Variants in GALNT9 observed in about 807,000 individuals in gnomAD.
GALNT9 encodes the protein GalNAc transferase 9.
In GALNT9, 47 loss-of-function variants were observed where a neutral mutation model predicts 63.1. The observed-to-expected ratio is 0.75, with a 90% CI of 0.59 to 0.95. The LOEUF (loss-of-function observed/expected upper bound fraction) is 0.95. Among genes scored for constraint, GALNT9 ranks in the 40% least tolerant of loss-of-function variants. The pLI is 0.00. For missense variants in GALNT9, 829 were observed against 874.8 expected (o/e 0.95, Z 0.66); for synonymous variants, 396 against 365.7 (o/e 1.08, Z -0.94).
chr12:132,204,241 G>A (rs909958922), intron 6 of GALNT9, among the ~76,000 whole-genome samples: 41 of 152,134 alleles, frequency 2.7e-4, no homozygotes, highest in African/African-American at 6.5e-4. Flanking sequence ...TTGTCACTGC[G>A]TATCCTTTTA....
intron 1 of GALNT9, among the ~76,000 whole-genome samples, chr12:132,307,484 C>T (rs1368009213): frequency 3.3e-5 from 5 of 152,026 alleles, no homozygotes; most frequent in Non-Finnish European, 7.4e-5. Context: ...GACCCTGAGA[C>T]GGAGAGTGCC....
At chr12:132,208,055 T>C (rs1031734053) in intron 6 of GALNT9, among the ~76,000 whole-genome samples, 1 of 152,210 alleles carries the variant, frequency 6.6e-6, no homozygotes, top group African/African-American at 2.4e-5. Context: ...ATCTGCCTTG[T>C]GCCGCGCTCC....
intron 6 of GALNT9, among the ~76,000 whole-genome samples, chr12:132,217,084 C>A (rs1337969998): frequency 6.6e-6 from 1 of 152,178 alleles, no homozygotes; most frequent in Non-Finnish European, 1.5e-5. Flanking sequence ...GCCAATATTC[C>A]TTGGATACAG....
chr12:132,228,093 G>T (rs1371544252), intron 6 of GALNT9, among the ~76,000 whole-genome samples: 1 of 152,236 alleles, frequency 6.6e-6, no homozygotes, highest in South Asian at 2.1e-4. Flanking sequence ...GCCCCAGCAG[G>T]GGTGGCGGGG....
At chr12:132,318,306 T>TG (rs1292004168) in intron 1 of GALNT9, among the ~76,000 whole-genome samples, 5 of 152,340 alleles carry the variant, frequency 3.3e-5, no homozygotes, top group Admixed American at 3.3e-4. Context: ...GGATGATGCA[T>TG]GGGGCTGGGC....
In GALNT9 at chr12:132,257,784, C is replaced by T. The variant is rs782432925; in HGVS notation, c.864G>A (p.Ala288=). Residue 288 remains alanine, a synonymous_variant, in exon 5 of 11, where the codon GCG becomes GCA. Coordinates refer to ENST00000328957, the MANE Select transcript of GALNT9 (RefSeq NM_001122636.2). ...CCCAGTTGTAGCCATGGGCGGCGTT[C>T]GCATACTGCTGCACCTCAAACGTGC... is the stretch of plus-strand genomic sequence containing the variant. ...KYSTFEVQQY[A]NAAHGYNWGL... is the part of the protein sequence containing the mutation. 3.0e-5 allele frequency: 46 copies of T among 1,550,338 alleles called. No homozygotes were observed. Among genetic ancestry groups the T allele is most frequent in the Middle Eastern group, 1.7e-4 (1 of 6,014 alleles).
chr12:132,262,724 G>A (rs1879448756), intron 2 of GALNT9, 99 bp from the exon 3 acceptor site: 3 of 1,451,196 alleles, frequency 2.1e-6, no homozygotes, highest in Admixed American at 5.3e-5. Flanking sequence ...ACGGTTTGGG[G>A]TGCGGTCAGG....
chr12:132,254,259 T>C (rs1303610603), intron 5 of GALNT9, among the ~76,000 whole-genome samples: 1 of 152,192 alleles, frequency 6.6e-6, no homozygotes, highest in Admixed American at 6.5e-5. Context: ...TCCACCCGCC[T>C]CGGCCTCCCA....
chr12:132,281,205 G>A (rs1288915044), intron 2 of GALNT9, among the ~76,000 whole-genome samples: 2 of 152,244 alleles, frequency 1.3e-5, no homozygotes, highest in African/African-American at 4.8e-5. Context: ...AGCGTCCACC[G>A]GGGTCTGCGT....
At chr12:132,305,150 C>T (rs372995855) in intron 1 of GALNT9, among the ~76,000 whole-genome samples, 4 of 57,038 alleles carry the variant, frequency 7.0e-5, no homozygotes, top group South Asian at 8.0e-4. Flanking sequence ...CCCGGGCACA[C>T]CCTCGCCTGG....
chr12:132,328,221 C>G (rs1367926916), intron 1 of GALNT9, among the ~76,000 whole-genome samples: 1 of 152,172 alleles, frequency 6.6e-6, no homozygotes, highest in East Asian at 1.9e-4. Flanking sequence ...GGTGCTGCTC[C>G]TCGGGCTGAC....
At chr12:132,227,032 A>C (rs1359014195) in intron 6 of GALNT9, among the ~76,000 whole-genome samples, 2 of 149,616 alleles carry the variant, frequency 1.3e-5, no homozygotes, top group East Asian at 4.0e-4. Flanking sequence ...CCATACACAC[A>C]CACACCCACA....
chr12:132,199,390 G>T (rs566946100), intron 8 of GALNT9, 121 bp from the exon 9 acceptor site: 14 of 697,692 alleles, frequency 2.0e-5, no homozygotes, highest in Non-Finnish European at 2.9e-5. Context: ...AGGAGGGGGC[G>T]TGTGGGATGC....
At chr12:132,199,521 G>A (rs1362586460) in intron 8 of GALNT9, among the ~76,000 whole-genome samples, 1 of 152,130 alleles carries the variant, frequency 6.6e-6, no homozygotes, top group Non-Finnish European at 1.5e-5. Flanking sequence ...GAACACTTGA[G>A]CAGCAGGGAC....
chr12:132,238,966 C>T lies in GALNT9; in HGVS notation c.1077+8944G>A, dbSNP rs1408028933. Among the ~76,000 whole-genome samples, 1 of 152,072 alleles carries T rather than the reference C, an allele frequency of 6.6e-6. No individual in the cohort carries two copies. Among genetic ancestry groups the T allele is most frequent in the Non-Finnish European group, 1.5e-5 (1 of 68,022 alleles). ...CACCGCAGTTAAAGTGGTTGGATACCACAGTCTGGAAGGCTTTGTCGTCTG... is the reference window on the plus strand; with the variant it reads ...CACCGCAGTTAAAGTGGTTGGATACTACAGTCTGGAAGGCTTTGTCGTCTG... On this transcript the variant is annotated intron_variant, in intron 6 of 10. Coordinates refer to ENST00000328957, the MANE Select transcript of GALNT9 (RefSeq NM_001122636.2). The surrounding 1 kb of genome is among the most constrained non-coding windows in gnomAD (Gnocchi z 6.5).
chr12:132,322,666 G>C (rs1048109110), intron 1 of GALNT9, among the ~76,000 whole-genome samples: 1 of 152,184 alleles, frequency 6.6e-6, no homozygotes, highest in Non-Finnish European at 1.5e-5. Context: ...GGCATGGGAG[G>C]GGGGTTTGCA....
intron 1 of GALNT9, among the ~76,000 whole-genome samples, chr12:132,317,195 A>C (rs1474259319): frequency 6.6e-6 from 1 of 151,094 alleles, no homozygotes; most frequent in Non-Finnish European, 1.5e-5. Flanking sequence ...CACAGCCTGC[A>C]TCTTACACCC....
At chr12:132,228,385 T>C in intron 6 of GALNT9, among the ~76,000 whole-genome samples, 1 of 140,704 alleles carries the variant, frequency 7.1e-6, no homozygotes, top group Non-Finnish European at 1.6e-5. Flanking sequence ...GTGATACCTC[T>C]TTGCCTCTGG....
chr12:132,202,149 T>TA, intron 7 of GALNT9, among the ~76,000 whole-genome samples: 1 of 152,314 alleles, frequency 6.6e-6, no homozygotes, highest in Admixed American at 6.5e-5. Flanking sequence ...GTTGCTCTGT[T>TA]ATGAGGTTTT....
Sources: allele counts gnomAD v4.1 joint callset (sites outside exome capture counted in the v4.1 genomes callset), GRCh38; gene constraint gnomAD v4.1.1; non-coding constraint Gnocchi (gnomAD v3.1); transcripts MANE v1.5; gene names NCBI Gene and HGNC (gene_info 2026-07-23, HGNC 2026-07-21).